ZMYM3: variants seen among roughly 807,000 people sequenced by gnomAD.
ZMYM3 encodes zinc finger MYM-type protein 3.
In ZMYM3, 6 loss-of-function variants were observed where a neutral mutation model predicts 94.2. That is an observed-to-expected ratio of 0.06 (90% confidence interval 0.03 to 0.13). The LOEUF (loss-of-function observed/expected upper bound fraction) is 0.13. ZMYM3 is among the 10% of genes least tolerant of loss of function. The pLI, the probability that ZMYM3 is intolerant of heterozygous loss-of-function variation, is 1.00. For missense variants in ZMYM3, 664 were observed against 1,132.6 expected (o/e 0.59, Z 5.94); for synonymous variants, 420 against 426.5 (o/e 0.98, Z 0.19).
In ZMYM3 at chrX:71,239,925, GC is replaced by G. The variant is rs2029888230; in HGVS notation, c.*990del. The G allele has an allele frequency of 8.9e-6, 1 of 112,810 alleles. No homozygotes were observed. Among genetic ancestry groups the G allele is most frequent in the South Asian group, 3.6e-4 (1 of 2,746 alleles). 9.3% of individuals were successfully genotyped at this position (112,810 alleles called of 1,213,427 possible). A position where few individuals can be genotyped will look rare whatever the true frequency, so the allele number is the denominator to read the frequency against. On this transcript the variant is annotated 3_prime_UTR_variant, in exon 25 of 25. Transcript: ENST00000314425. Reference sequence around the variant, plus strand: ...AAGAGAGAAGATGTAGGCAGTGGCGGCAGGCCCTGCGCCCACAGCTCCTCGC... The same window carrying G: ...AAGAGAGAAGATGTAGGCAGTGGCGGAGGCCCTGCGCCCACAGCTCCTCGC...
At chrX:71,248,852 G>A in intron 8 of ZMYM3, 51 bp from the exon 9 acceptor site, 1 of 1,075,945 alleles carries the variant, frequency 9.3e-7, no homozygotes. Flanking sequence ...GAGAGGGAGA[G>A]AGAGAGCACA....
chrX:71,247,618 G>T, intron 12 of ZMYM3, 108 bp from the exon 13 acceptor site: 1 of 1,137,490 alleles, frequency 8.8e-7, no homozygotes. Context: ...GGCCAGCTTA[G>T]AGATGGAAGG....
At chrX:71,243,355 G>C (rs1209450279) in intron 21 of ZMYM3, among the ~76,000 whole-genome samples, 2 of 111,042 alleles carry the variant, frequency 1.8e-5, no homozygotes, top group Admixed American at 9.6e-5. Context: ...TCTCCCAGGG[G>C]GAACTAAACA....
intron 16 of ZMYM3, 57 bp from the exon 17 acceptor site, chrX:71,245,899 T>C (rs752516790): frequency 3.0e-5 from 33 of 1,116,870 alleles, no homozygotes; most frequent in African/African-American, 2.3e-4. Context: ...TGGGGGGAAG[T>C]TGGGGGGACA....
Position 71,253,120 on chromosome X carries a change from C to G in ZMYM3, c.136G>C (p.Ala46Pro). The change falls in exon 2 of 25, where the codon GCC (alanine) becomes CCC (proline). Residue 46 changes from alanine to proline, a missense_variant. Physicochemically the swap from Ala to Pro is conservative, Grantham distance 27. Transcript: ENST00000314425. The stretch of plus-strand genomic sequence containing the variant: ...GAGGATGGAGAAGGGCCAGGGGGGG[C>G]CCATCCTCGAGTTGGGGCAGTCTGG... ...ESQTAPTRGW[A>P]PPGPSPSSGA... The G allele has an allele frequency of 8.3e-7, 1 of 1,204,276 alleles. No individual in the cohort carries two copies. Among genetic ancestry groups the G allele is most frequent in the East Asian group, 3.0e-5 (1 of 33,628 alleles).
upstream of ZMYM3, chrX:71,254,250 G>T (rs2030656438): frequency 8.9e-6 from 1 of 112,868 alleles, no homozygotes; most frequent in African/African-American, 3.2e-5. Context: ...GACAGCGCCG[G>T]CCCCCGGCGC....
At chrX:71,253,606 C>G (rs2030614443) in intron 1 of ZMYM3, among the ~76,000 whole-genome samples, 1 of 87,601 alleles carries the variant, frequency 1.1e-5, no homozygotes, top group Non-Finnish European at 2.2e-5. Context: ...CTGAACGCCC[C>G]CTTAGAGTCT....
rs1328415821 is a variant in ZMYM3, at chrX:71,250,064, C to T, written c.1213G>A (p.Asp405Asn). Residue 405 changes from aspartate to asparagine, a missense_variant, in exon 6 of 25, where the codon GAC becomes AAC. Coordinates refer to ENST00000314425, the MANE Select transcript of ZMYM3 (RefSeq NM_201599.3). ...RPIPQSGDPA[D>N]ATRCSICQKT... ...TGGCATATGCTGCAGCGAGTAGCGTCGGCGGGATCCCCAGACTGGGGGATC... is the reference window on the plus strand; with the variant it reads ...TGGCATATGCTGCAGCGAGTAGCGTTGGCGGGATCCCCAGACTGGGGGATC... 1.1e-5 allele frequency: 13 copies of T among 1,197,414 alleles called. No individual in the cohort carries two copies. Among genetic ancestry groups the T allele is most frequent in the South Asian group, 1.9e-5 (1 of 54,051 alleles).
In ZMYM3 at chrX:71,248,573, T is replaced by A. The variant is rs1244024295; in HGVS notation, c.1738-49A>T. 3 of 1,173,827 alleles carry A rather than the reference T, an allele frequency of 2.6e-6. No individual in the cohort carries two copies. In the African/African-American group the frequency reaches 5.3e-5, roughly 21 times the overall value. On this transcript the variant is annotated intron_variant, in intron 9 of 24. Transcript: ENST00000314425. ...GGGAGGGGCAAGATGTGTGCAGCGG[T>A]GGGGAAGGGGAGTCAGGCTTGTTCT... is the stretch of plus-strand genomic sequence containing the variant.
upstream of ZMYM3, chrX:71,255,126 CTCTCTCTCTCTCTCTCTCTCTCTGTA>C (rs2030703624): frequency 4.6e-5 from 4 of 87,796 alleles, no homozygotes; most frequent in Admixed American, 3.7e-4. Flanking sequence ...CTCTCTCTCT[CTCTCTCTCTCTCTCTCTCTCTCTGTA>C]TCTCTCTCTC....
At chrX:71,254,305 G>A (rs948653519), upstream of ZMYM3, among the ~76,000 whole-genome samples, 2 of 112,830 alleles carry the variant, frequency 1.8e-5, no homozygotes, top group Non-Finnish European at 3.8e-5. Context: ...GGAGTGGAAT[G>A]CAGCCACTAG....
intron 5 of ZMYM3, 68 bp from the exon 6 acceptor site, chrX:71,250,271 C>T (rs1240299657): frequency 1.9e-5 from 21 of 1,106,430 alleles, no homozygotes; most frequent in Non-Finnish European, 2.3e-5. Context: ...TTCCGCCCCT[C>T]CTCCAGGATC....
chrX:71,241,467 G>A, intron 23 of ZMYM3, 123 bp from the exon 24 acceptor site: 1 of 524,745 alleles, frequency 1.9e-6, no homozygotes. Flanking sequence ...CATCAAGATG[G>A]AGAGGTGGAA....
chrX:71,252,488 C>T, intron 2 of ZMYM3, 101 bp downstream of exon 2: 1 of 901,910 alleles, frequency 1.1e-6, no homozygotes, highest in Non-Finnish European at 1.5e-6. Flanking sequence ...ACACTTATCT[C>T]TCCACCCTCC....
intron 11 of ZMYM3, 116 bp downstream of exon 11, chrX:71,248,046 G>A (rs2030263804): frequency 9.0e-7 from 1 of 1,109,095 alleles, no homozygotes; most frequent in Non-Finnish European, 1.2e-6. Context: ...GATGGGGGTA[G>A]AACATCCCGG....
In ZMYM3 at chrX:71,241,031, C is replaced by A; in HGVS notation, c.3998G>T (p.Trp1333Leu). The change falls in exon 25 of 25, where the codon TGG becomes TTG. Residue 1333 changes from tryptophan (W) to leucine (L), a missense_variant. By Grantham distance (61) the Trp-to-Leu change is moderately conservative. Around this residue, in one of 9 missense-constraint regions of ZMYM3, gnomAD observed 58 missense variants for 112.4 expected, o/e 0.52. Coordinates refer to ENST00000314425, the MANE Select transcript of ZMYM3 (RefSeq NM_201599.3). ...ERSCIAESPL[W>L]YSVIPMDRSM... ...GCGGTCCATGGGGATCACAGAATAC[C>A]AGAGAGGTGACTCGGCGATGCAGGA... The A allele has an allele frequency of 8.3e-7, 1 of 1,211,439 alleles. No homozygotes were observed.
rs760595602 is a variant in ZMYM3, at chrX:71,251,616, GA to G, written c.668-16del. 3.4e-6 allele frequency: 4 copies of G among 1,182,230 alleles called. No individual in the cohort carries two copies. The highest frequency in any genetic ancestry group is 4.5e-6 in the Non-Finnish European group (4 of 880,639). On this transcript the variant is annotated splice_polypyrimidine_tract_variant and intron_variant, in intron 2 of 24. Coordinates refer to ENST00000314425, the MANE Select transcript of ZMYM3 (RefSeq NM_201599.3). ...CAGGCCATCTCCTGCAAAGGAAGCA[GA>G]AGGCAGCCTAAATGTTGAGCCTGCC...
rs1489228126 is a variant in ZMYM3 at position 71,244,465 on chromosome X, T to C, written c.3117A>G (p.Gln1039=). 1 of 1,208,693 alleles carries C rather than the reference T, an allele frequency of 8.3e-7. No homozygotes were observed. The highest frequency in any genetic ancestry group is 1.8e-5 in the African/African-American group (1 of 57,081). ...QDLPRTMRKG[Q]KRLVLSESCS... is the part of the protein sequence containing the mutation. Reference sequence around the variant, plus strand: ...AGCTTTCGGAAAGCACCAGCCGCTTTTGACCCTGGAGGGGAAGAGAAAGCA... The same window carrying C: ...AGCTTTCGGAAAGCACCAGCCGCTTCTGACCCTGGAGGGGAAGAGAAAGCA... Residue 1039 remains glutamine (Q), a synonymous_variant, in exon 20 of 25, where the codon CAA becomes CAG. Transcript: ENST00000314425.
At position 71,249,509 on chromosome X, in the gene ZMYM3, G is replaced by C. The variant is rs1264920762; in HGVS notation, c.1422C>G (p.Gly474=). Residue 474 remains glycine, a synonymous_variant, in exon 7 of 25, where the codon GGC becomes GGG. Transcript: ENST00000314425. The part of the protein sequence containing the change: ...SPGPELLFHE[G]QQKRFCNTTC... ...TTGTGTTGCAGAACCGCTTTTGTTG[G>C]CCCTCGTGGAAGAGGAGCTCAGGGC... The C allele has an allele frequency of 1.7e-6, 2 of 1,202,952 alleles. No individual in the cohort carries two copies. The highest frequency in any genetic ancestry group is 4.4e-5 in the Admixed American group (2 of 44,961).
Sources: allele counts gnomAD v4.1 joint callset (sites outside exome capture counted in the v4.1 genomes callset), GRCh38; gene constraint gnomAD v4.1.1; regional missense constraint gnomAD v4.1.1; transcripts MANE v1.5; gene names NCBI Gene and HGNC (gene_info 2026-07-23, HGNC 2026-07-21).